Variants in MED12 observed in about 807,000 individuals in gnomAD.
The protein encoded by MED12 is mediator of RNA polymerase II transcription subunit 12.
Under a neutral mutation model 177.7 loss-of-function variants are expected in MED12, and 10 were observed. That is an observed-to-expected ratio of 0.06 (90% CI 0.03 to 0.10). The LOEUF (loss-of-function observed/expected upper bound fraction) is 0.10, where lower values mean the gene tolerates loss of function less well. Ranked by LOEUF, MED12 falls within the 10% of genes least tolerant of loss-of-function variation. The pLI is 1.00. For synonymous variants in MED12, 641 were observed against 678.4 expected, an observed-to-expected ratio of 0.94 and a Z score of 0.86; for missense variants, 867 against 1,780.8, an observed-to-expected ratio of 0.49 and a Z score of 9.23.
chrX:71,142,156 A>G lies in MED12; in HGVS notation c.6491-19A>G. ...CCCTGCCTGGTCTTCCATCCCTGAT[A>G]ATCTCTGGTTTTTCACAGATACCCA... On this transcript the variant is annotated intron_variant, in intron 44 of 44. Transcript: ENST00000374080. The G allele has an allele frequency of 8.3e-7, 1 of 1,208,188 alleles. No homozygotes were observed. Among genetic ancestry groups the G allele is most frequent in the South Asian group, 1.8e-5 (1 of 56,883 alleles).
chrX:71,120,245 C>T, intron 4 of MED12, 75 bp downstream of exon 4: 2 of 1,039,250 alleles, frequency 1.9e-6, no homozygotes, highest in Non-Finnish European at 2.7e-6. Context: ...AACCATCCTC[C>T]TTCTTAATCT....
chrX:71,136,704 C>T lies in MED12; in HGVS notation c.5400+49C>T, dbSNP rs367677653. On this transcript the variant is annotated intron_variant, in intron 37 of 44. Coordinates refer to ENST00000374080, the MANE Select transcript of MED12 (RefSeq NM_005120.3). ...TCTCCCACAGCCTCTCACTTCATGA[C>T]GCTCCGGTTTCTGGTTTGTGGGAGG... 3.3e-5 allele frequency: 39 copies of T among 1,198,114 alleles called. 1 individual carries two copies. The South Asian group carries it at 3.3e-4, about 10-fold the overall frequency.
chrX:71,126,600 G>T (rs2092303981), intron 19 of MED12, 116 bp downstream of exon 19: 1 of 907,093 alleles, frequency 1.1e-6, no homozygotes, highest in Non-Finnish European at 1.6e-6. Flanking sequence ...ATTTGAAGGG[G>T]CAGAAAGACT....
chrX:71,120,972 A>G lies in MED12; in HGVS notation c.555A>G (p.Glu185=). 8.3e-7 allele frequency: 1 copy of G among 1,211,129 alleles called. No individual in the cohort carries two copies. Residue 185 remains glutamate, a splice_region_variant and synonymous_variant, in exon 5 of 45, where the codon GAA becomes GAG. Transcript: ENST00000374080. ...VKKRHVDPFM[E]WTQIITKYLW... Reference sequence around the variant, plus strand: ...GCCCTTTTTCCCTCTTTCCTCCAGAATGGACTCAGATCATCACCAAGTACT... The same window carrying G: ...GCCCTTTTTCCCTCTTTCCTCCAGAGTGGACTCAGATCATCACCAAGTACT...
chrX:71,142,045 G>C, intron 44 of MED12, 81 bp downstream of exon 44: 2 of 1,122,318 alleles, frequency 1.8e-6, no homozygotes, highest in Non-Finnish European at 2.5e-6. Flanking sequence ...TGAAACGATA[G>C]CTTCAGGCCC....
rs995020784 is a variant in MED12, at chrX:71,125,856, C to T, written c.2422+143C>T. 7.9e-5 allele frequency: 48 copies of T among 604,136 alleles called. 1 individual carries two copies. In the Admixed American group the frequency reaches 1.2e-3, roughly 15 times the overall value. The allele number at this position is 604,136 out of a possible 1,213,427, so 49.8% of individuals were successfully genotyped here. A position where few individuals can be genotyped will look rare whatever the true frequency, so the allele number is the denominator to read the frequency against. On this transcript the variant is annotated intron_variant, in intron 17 of 44. Transcript: ENST00000374080. ...GCTTCACTGTCCCCTTCCCTTCATT[C>T]CTCCCCCATCCCTTCCTTGACCCTC...
At chrX:71,118,975 A>G (rs1419247090) in intron 1 of MED12, 122 bp downstream of exon 1, 114 of 394,098 alleles carry the variant, frequency 2.9e-4, no homozygotes, top group Non-Finnish European at 4.7e-4. Flanking sequence ...CGAAAGGGGG[A>G]AGAGTAAAGT....
intron 41 of MED12, among the ~76,000 whole-genome samples, chrX:71,138,210 G>T (rs1359279754): frequency 1.8e-5 from 2 of 111,779 alleles, no homozygotes; most frequent in Non-Finnish European, 3.8e-5. Context: ...ATCTGGGCTG[G>T]GTGTGGTAGC....
intron 41 of MED12, 46 bp from the exon 42 acceptor site, chrX:71,140,589 C>T: frequency 9.1e-6 from 11 of 1,211,077 alleles, no homozygotes; most frequent in Non-Finnish European, 1.1e-5. Context: ...GACCCCCTCT[C>T]CTCACCTCCC....
At chrX:71,121,198 C>T (rs770984399) in intron 5 of MED12, 46 bp downstream of exon 5, 1 of 1,203,759 alleles carries the variant, frequency 8.3e-7, no homozygotes. Context: ...TGAGCTTGAA[C>T]TTGTACTCTG....
chrX:71,141,801 CAAAAA>C (rs371432455), intron 43 of MED12, 77 bp from the exon 44 acceptor site: 3 of 800,738 alleles, frequency 3.7e-6, no homozygotes, highest in Non-Finnish European at 5.3e-6. Flanking sequence ...GACTCCATCT[CAAAAA>C]AAAAAACGGA....
At position 71,141,236 on chromosome X, in the gene MED12, C is replaced by A. The variant is rs1359504788; in HGVS notation, c.6274C>A (p.Gln2092Lys). ...QQQQQILRQQ[Q>K]QQQQQQQQQQ... is the part of the protein sequence containing the mutation. ...ATCTTTTGTGTTCTTATAGCAGCAG[C>A]AGCAACAGCAACAGCAGCAGCAGCA... Residue 2092 changes from glutamine (Q) to lysine (K), a missense_variant, in exon 43 of 45, where the codon CAG becomes AAG. Physicochemically the swap from Gln to Lys is moderately conservative, Grantham distance 53. Transcript: ENST00000374080. The A allele has an allele frequency of 3.3e-5, 38 of 1,162,291 alleles. No individual in the cohort carries two copies. The highest frequency in any genetic ancestry group is 4.2e-5 in the Non-Finnish European group (37 of 871,037).
chrX:71,135,061 G>C (rs761559296), intron 35 of MED12, 31 bp from the exon 36 acceptor site: 1 of 1,210,209 alleles, frequency 8.3e-7, no homozygotes, highest in Admixed American at 2.2e-5. Context: ...CTGTATCTCT[G>C]AACTCTTGTC....
At position 71,119,718 on chromosome X, in the gene MED12, G is replaced by A. The variant is rs779295599; in HGVS notation, c.237G>A (p.Glu79=). ...ISSNFSSIIA[E]KLRCNTLPDT... ...CCAACTTCAGCAGCATTATTGCAGA[G>A]AAATTACGTTGTAATACCCTTCCTG... is the stretch of plus-strand genomic sequence containing the variant. Residue 79 remains glutamate (E), a synonymous_variant, in exon 3 of 45, where the codon GAG becomes GAA. Coordinates refer to ENST00000374080, the MANE Select transcript of MED12 (RefSeq NM_005120.3). The A allele has an allele frequency of 8.3e-7, 1 of 1,211,398 alleles. No homozygotes were observed. The highest frequency in any genetic ancestry group is 1.8e-5 in the South Asian group (1 of 56,926).
chrX:71,137,582 T>C lies in MED12; in HGVS notation c.5773T>C (p.Ser1925Pro), dbSNP rs2147830190. The C allele has an allele frequency of 8.3e-7, 1 of 1,209,677 alleles. No homozygotes were observed. The highest frequency in any genetic ancestry group is 1.1e-6 in the Non-Finnish European group (1 of 894,079). ...LQQSQGMLGQSSVHQMTPSSS... is the reference protein window; with the variant it reads ...LQQSQGMLGQPSVHQMTPSSS... The stretch of plus-strand genomic sequence containing the variant: ...GCAGAGTCAGGGCATGTTGGGACAG[T>C]CATCTGTCCATCAGATGACTCCCAG... The change falls in exon 40 of 45, where the codon TCA (serine) becomes CCA (proline). Residue 1925 changes from serine to proline, a missense_variant. Transcript: ENST00000374080.
At position 71,141,962 on chromosome X, in the gene MED12, C is replaced by G; in HGVS notation, c.6488C>G (p.Ser2163Cys). The G allele has an allele frequency of 8.3e-7, 1 of 1,210,713 alleles. No homozygotes were observed. Among genetic ancestry groups the G allele is most frequent in the Non-Finnish European group, 1.1e-6 (1 of 894,730 alleles). Residue 2163 changes from serine (S) to cysteine (C), a missense_variant and splice_region_variant, in exon 44 of 45, where the codon TCT (serine) becomes TGT (cysteine). Ser to Cys is a moderately radical substitution (Grantham distance 112, BLOSUM62 -1). Transcript: ENST00000374080. The part of the protein sequence containing the change: ...ALVRQLQQQL[S>C]NTQPQPSTNI... ...GTCCGGCAACTTCAACAACAGCTCT[C>G]TAGTAAGCCTGCCTGCCTTCCCAAG...
rs760027341 is a variant in MED12 at position 71,119,010 on chromosome X, G to C, written c.99+157G>C. Among the ~76,000 whole-genome samples, 4 of 106,855 alleles carry C rather than the reference G, an allele frequency of 3.7e-5. No individual in the cohort carries two copies. The South Asian group carries it at 1.3e-3, about 34-fold the overall frequency. 92.8% of individuals were successfully genotyped at this position (106,855 alleles called of 115,157 possible). Reference sequence around the variant, plus strand: ...TGGGCTGGCGTGGGAGGGCAGGACGGGGGGCGGTGGGGGGTTCCAAGGTAT... The same window carrying C: ...TGGGCTGGCGTGGGAGGGCAGGACGCGGGGCGGTGGGGGGTTCCAAGGTAT... On this transcript the variant is annotated intron_variant, in intron 1 of 44. Transcript: ENST00000374080.
intron 43 of MED12, among the ~76,000 whole-genome samples, 196 bp from the exon 44 acceptor site, chrX:71,141,682 TATCTC>T (rs1259442216): frequency 9.0e-6 from 1 of 110,799 alleles, no homozygotes; most frequent in Non-Finnish European, 1.9e-5. Context: ...AGGTGCCTGT[TATCTC>T]AGCTACTCAA....
chrX:71,119,316 C>T (rs1336580848), intron 1 of MED12, 57 bp from the exon 2 acceptor site: 4 of 892,898 alleles, frequency 4.5e-6, no homozygotes, highest in Non-Finnish European at 6.4e-6. Flanking sequence ...CCTACTCTCC[C>T]ACCCCTTCCC....
Sources: gnomAD v4.1 joint callset for allele counts (sites outside exome capture counted in the v4.1 genomes callset) on GRCh38, gnomAD v4.1.1 for gene constraint, MANE v1.5 for transcripts, NCBI Gene and HGNC (gene_info 2026-07-23, HGNC 2026-07-21) for gene names.